Variants in MED12L observed in about 807,000 individuals in gnomAD.
MED12L encodes the protein mediator complex subunit 12L.
A neutral mutation model predicts 281.3 loss-of-function variants in MED12L; 60 were observed. The observed-to-expected ratio is 0.21, with a 90% CI of 0.17 to 0.26. MED12L has a LOEUF of 0.26. Ranked by LOEUF, MED12L falls within the 10% of genes least tolerant of loss-of-function variation. The pLI is 1.00. For synonymous variants in MED12L, 974 were observed against 987.2 expected, an observed-to-expected ratio of 0.99 and a Z score of 0.25; for missense variants, 2,146 against 2,680.9, an observed-to-expected ratio of 0.80 and a Z score of 4.41.
intron 16 of MED12L, among the ~76,000 whole-genome samples, chr3:151,215,442 ATAT>A (rs1728017890): frequency 6.6e-6 from 1 of 152,232 alleles, no homozygotes; most frequent in East Asian, 1.9e-4. Context: ...TAAATAAAAT[ATAT>A]TATTACTCTT....
intron 16 of MED12L, among the ~76,000 whole-genome samples, chr3:151,348,647 T>C (rs1752863050): frequency 6.6e-6 from 1 of 151,782 alleles, no homozygotes; most frequent in Non-Finnish European, 1.5e-5. Context: ...AATAGATAGA[T>C]TGGCAGGGCA....
rs551770079 is a variant in MED12L, at chr3:151,387,301, A to T, written c.5089-509A>T. ...TCTCTAATAATAATATTATATTCAGAGTATGGCTTATTAAGTACAGGGCCC... is the reference window on the plus strand; with the variant it reads ...TCTCTAATAATAATATTATATTCAGTGTATGGCTTATTAAGTACAGGGCCC... On this transcript the variant is annotated intron_variant, in intron 36 of 44. Transcript: ENST00000687756. 2.6e-5 allele frequency among the ~76,000 whole-genome samples: 4 copies of T among 152,122 alleles called. No individual in the cohort carries two copies. The East Asian group carries it at 7.7e-4, about 29-fold the overall frequency.
At chr3:151,186,943 T>G (rs913579622) in intron 12 of MED12L, among the ~76,000 whole-genome samples, 2 of 152,228 alleles carry the variant, frequency 1.3e-5, no homozygotes, top group African/African-American at 4.8e-5. Flanking sequence ...GTTGCATGAC[T>G]GGATGAGCCT....
chr3:151,091,730 C>G (rs1029852682), intron 2 of MED12L, among the ~76,000 whole-genome samples: 3 of 152,210 alleles, frequency 2.0e-5, no homozygotes, highest in African/African-American at 7.2e-5. Flanking sequence ...AATGCAAACC[C>G]TTTACCTTGG....
intron 37 of MED12L, 65 bp downstream of exon 37, chr3:151,388,237 A>C (rs1713728768): frequency 1.3e-6 from 2 of 1,512,384 alleles, no homozygotes; most frequent in Non-Finnish European, 1.8e-6. Flanking sequence ...ACTCGTGCCC[A>C]AATCATATCC....
At chr3:151,116,633 T>A (rs997603653) in intron 3 of MED12L, among the ~76,000 whole-genome samples, 191 bp downstream of exon 3, 1 of 152,206 alleles carries the variant, frequency 6.6e-6, no homozygotes, top group Non-Finnish European at 1.5e-5. Context: ...GTCACATCTT[T>A]TAATTTAGTA....
intron 26 of MED12L, 134 bp from the exon 27 acceptor site, chr3:151,372,433 C>T: frequency 1.5e-6 from 1 of 659,204 alleles, no homozygotes; most frequent in Non-Finnish European, 2.6e-6. Flanking sequence ...TCTCTCTATT[C>T]CTGAACAACT....
intron 38 of MED12L, among the ~76,000 whole-genome samples, chr3:151,393,529 A>G (rs1291395685): frequency 1.4e-5 from 2 of 141,520 alleles, no homozygotes; most frequent in Non-Finnish European, 3.1e-5. Flanking sequence ...CCGTAAAGAT[A>G]AGCTGTTAAT....
intron 16 of MED12L, among the ~76,000 whole-genome samples, chr3:151,201,910 G>T (rs1156285290): frequency 1.3e-5 from 2 of 152,126 alleles, no homozygotes; most frequent in Admixed American, 1.3e-4. Flanking sequence ...TTCTTTAAGT[G>T]CTCCATTGCT....
intron 5 of MED12L, 86 bp from the exon 6 acceptor site, chr3:151,156,075 C>T (rs906525817): frequency 1.1e-5 from 13 of 1,175,784 alleles, no homozygotes; most frequent in African/African-American, 3.1e-5. Context: ...AGTACACCCT[C>T]GAGATAATCA....
intron 16 of MED12L, chr3:151,212,444 G>A (rs182908055): frequency 1.2e-4 from 19 of 152,028 alleles, no homozygotes; most frequent in Admixed American, 1.0e-3. Context: ...TTTCCCATTC[G>A]CCAGTAGATT....
intron 16 of MED12L, chr3:151,329,620 T>C: frequency 1.2e-6 from 1 of 819,864 alleles, no homozygotes; most frequent in South Asian, 1.7e-5. Flanking sequence ...ATGTGACCCA[T>C]TAGAACCTCT....
At chr3:151,215,702 G>A (rs889160789) in intron 16 of MED12L, among the ~76,000 whole-genome samples, 4 of 152,172 alleles carry the variant, frequency 2.6e-5, no homozygotes, top group Non-Finnish European at 5.9e-5. Context: ...CATCTTATAT[G>A]TGAACAGTAC....
intron 5 of MED12L, among the ~76,000 whole-genome samples, chr3:151,150,830 C>T (rs1485976079): frequency 6.6e-6 from 1 of 152,130 alleles, no homozygotes; most frequent in Non-Finnish European, 1.5e-5. Flanking sequence ...CTAGCTCCTG[C>T]TAGATTCCGA....
At chr3:151,240,827 G>A (rs1056439413) in intron 16 of MED12L, among the ~76,000 whole-genome samples, 2 of 152,192 alleles carry the variant, frequency 1.3e-5, no homozygotes, top group African/African-American at 4.8e-5. Context: ...TCAGAGACAA[G>A]GAGTGATAGG....
chr3:151,199,440 CTG>C, intron 16 of MED12L: 4 of 1,477,516 alleles, frequency 2.7e-6, no homozygotes, highest in Admixed American at 2.2e-5. Flanking sequence ...TTCTAAGACT[CTG>C]TAAAAGAAAC....
At position 151,222,649 on chromosome 3, in the gene MED12L, G is replaced by T. The variant is rs371025705; in HGVS notation, c.2250+28983G>T. ...TCAGCCATGTGAAACTATAAGTCCA[G>T]TAAACCTCTTTCTTTTGTAAATTGC... On this transcript the variant is annotated intron_variant, in intron 16 of 44. Coordinates refer to ENST00000687756, the MANE Select transcript of MED12L (RefSeq NM_001393769.1). 1.8e-4 allele frequency among the ~76,000 whole-genome samples: 28 copies of T among 152,204 alleles called. No individual in the cohort carries two copies. In the East Asian group the frequency reaches 2.1e-3, roughly 11 times the overall value.
intron 4 of MED12L, 109 bp from the exon 5 acceptor site, chr3:151,127,716 C>T: frequency 1.4e-6 from 1 of 739,326 alleles, no homozygotes; most frequent in East Asian, 2.8e-5. Context: ...TTTCTTAGGG[C>T]CAGCAGGTAA....
intron 2 of MED12L, among the ~76,000 whole-genome samples, chr3:151,104,729 T>C (rs1043288988): frequency 1.3e-5 from 2 of 152,210 alleles, no homozygotes; most frequent in Non-Finnish European, 2.9e-5. Flanking sequence ...TTCTAGAGGC[T>C]GCAAGCTTGA....
Sources: gnomAD v4.1 joint callset for allele counts (sites outside exome capture counted in the v4.1 genomes callset) on GRCh38, gnomAD v4.1.1 for gene constraint, MANE v1.5 for transcripts, NCBI Gene and HGNC (gene_info 2026-07-23, HGNC 2026-07-21) for gene names.